The following COL4A2 variants were observed in gnomAD, a reference collection of about 807,000 sequenced individuals.
COL4A2 encodes the protein collagen alpha-2(IV) chain.
COL4A2 carries 99 observed loss-of-function variants against 200.2 expected under a neutral mutation model. That is an observed-to-expected ratio of 0.49 (90% CI 0.42 to 0.58). The LOEUF (loss-of-function observed/expected upper bound fraction) is 0.58, where lower values mean the gene tolerates loss of function less well. Ranked by LOEUF, COL4A2 falls within the 20% of genes least tolerant of loss-of-function variation. COL4A2 has a pLI of 0.00. For missense variants in COL4A2, 1,950 were observed against 2,314.1 expected (o/e 0.84, Z 3.23); for synonymous variants, 897 against 900.6 (o/e 1.00, Z 0.07).
At chr13:110,363,333 G>A (rs1409360656) in intron 4 of COL4A2, among the ~76,000 whole-genome samples, 4 of 152,152 alleles carry the variant, frequency 2.6e-5, no homozygotes, top group Non-Finnish European at 4.4e-5. Flanking sequence ...TGTGTTTAGC[G>A]ACTGCATTTT....
chr13:110,504,375 G>C, intron 45 of COL4A2, 111 bp downstream of exon 45: 1 of 845,328 alleles, frequency 1.2e-6, no homozygotes, highest in Non-Finnish European at 1.9e-6. Context: ...CCAGAAATGA[G>C]GCGCTGCCCC....
chr13:110,496,773 T>TC (rs1357833115), intron 40 of COL4A2, among the ~76,000 whole-genome samples: 1 of 148,512 alleles, frequency 6.7e-6, no homozygotes, highest in Non-Finnish European at 1.5e-5. Context: ...AGGATGAGGA[T>TC]CTAGGGTCAG....
chr13:110,452,214 C>T (rs61963247), intron 20 of COL4A2, among the ~76,000 whole-genome samples: 1 of 152,074 alleles, frequency 6.6e-6, no homozygotes, highest in Non-Finnish European at 1.5e-5. Context: ...GCTCACTGCA[C>T]GCTCCGCCTC....
In COL4A2 at chr13:110,428,456, C is replaced by A; in HGVS notation, c.361-11C>A. ...CTGGTTGGCTGATTCTCTCACTGCT[C>A]TCTTTCCCAGGGACACCCGGGGCAA... On this transcript the variant is annotated splice_polypyrimidine_tract_variant and intron_variant, in intron 6 of 47. Coordinates refer to ENST00000360467, the MANE Select transcript of COL4A2 (RefSeq NM_001846.4). 6.5e-7 allele frequency: 1 copy of A among 1,544,650 alleles called. No homozygotes were observed. Among genetic ancestry groups the A allele is most frequent in the Non-Finnish European group, 8.8e-7 (1 of 1,141,926 alleles).
At chr13:110,369,218 A>C (rs999985285) in intron 4 of COL4A2, among the ~76,000 whole-genome samples, 1 of 152,044 alleles carries the variant, frequency 6.6e-6, no homozygotes, top group Non-Finnish European at 1.5e-5. Flanking sequence ...TCAGTAAATA[A>C]ATAAATAAAT....
intron 42 of COL4A2, 33 bp from the exon 43 acceptor site, chr13:110,503,349 CT>C: frequency 6.3e-7 from 1 of 1,588,376 alleles, no homozygotes; most frequent in Non-Finnish European, 8.6e-7. Flanking sequence ...TCCCCACAGA[CT>C]TTCGTGTCCC....
intron 32 of COL4A2, 106 bp from the exon 33 acceptor site, chr13:110,484,799 C>T: frequency 3.5e-6 from 5 of 1,430,536 alleles, no homozygotes; most frequent in South Asian, 3.3e-5. Context: ...GGCTTCCCTG[C>T]TTGGGGGAGA....
At position 110,348,751 on chromosome 13, in the gene COL4A2, C is replaced by A. The variant is rs188367617; in HGVS notation, c.100-8721C>A. Among the ~76,000 whole-genome samples, 522 of 151,552 alleles carry A rather than the reference C, an allele frequency of 3.4e-3. 1 individual carries two copies. Among genetic ancestry groups the A allele is most frequent in the Non-Finnish European group, 5.7e-3 (386 of 67,872 alleles). On this transcript the variant is annotated intron_variant, in intron 3 of 47. Transcript: ENST00000360467. ...AATGTTGATCTTGTTTGTCACTTGG[C>A]GTAGGTTTTTCAGTATTCCTCTGTG...
chr13:110,325,937 C>A (rs955081559), intron 3 of COL4A2, among the ~76,000 whole-genome samples: 2 of 152,144 alleles, frequency 1.3e-5, no homozygotes, highest in African/African-American at 4.8e-5. Context: ...GCGTGCGTCA[C>A]CAGGCCGGGC....
intron 3 of COL4A2, among the ~76,000 whole-genome samples, chr13:110,311,793 T>A (rs905547871): frequency 2.6e-5 from 4 of 152,218 alleles, no homozygotes; most frequent in Admixed American, 2.0e-4. Flanking sequence ...CCTGAGGACC[T>A]CTGGCCGGGA....
At chr13:110,365,964 C>T (rs574673862) in intron 4 of COL4A2, among the ~76,000 whole-genome samples, 2 of 152,324 alleles carry the variant, frequency 1.3e-5, no homozygotes, top group South Asian at 4.1e-4. Flanking sequence ...AAACCTCACA[C>T]AGACTCCACA....
chr13:110,390,103 G>A (rs1244977682), intron 4 of COL4A2, among the ~76,000 whole-genome samples: 7 of 152,184 alleles, frequency 4.6e-5, no homozygotes, highest in Non-Finnish European at 1.0e-4. Context: ...AGCATGTATT[G>A]AGCCTGCTCT....
chr13:110,425,949 A>G (rs1416626536), intron 6 of COL4A2, among the ~76,000 whole-genome samples: 1 of 151,874 alleles, frequency 6.6e-6, no homozygotes. Flanking sequence ...AAAGGAAGTC[A>G]CATTTGCCAA....
chr13:110,512,445 C>A lies in COL4A2; in HGVS notation c.*254C>A. 1 of 587,656 alleles carries A rather than the reference C, an allele frequency of 1.7e-6. No individual in the cohort carries two copies. Among genetic ancestry groups the A allele is most frequent in the Admixed American group, 3.3e-5 (1 of 30,416 alleles). 36.4% of individuals were successfully genotyped at this position (587,656 alleles called of 1,614,324 possible). On this transcript the variant is annotated 3_prime_UTR_variant, in exon 48 of 48. Coordinates refer to ENST00000360467, the MANE Select transcript of COL4A2 (RefSeq NM_001846.4). ...GCCCCCATCAGCCCTGCTAGACGCA[C>A]CGCCTGAAGGCACAGCTAACCACTT...
At chr13:110,482,456 T>TG (rs1882967472) in intron 31 of COL4A2, 60 bp from the exon 32 acceptor site, 6 of 1,553,068 alleles carry the variant, frequency 3.9e-6, no homozygotes, top group Non-Finnish European at 2.7e-6. Flanking sequence ...GACGTGAGAC[T>TG]GAAATGTCCC....
intron 3 of COL4A2, among the ~76,000 whole-genome samples, chr13:110,356,425 C>T (rs1430107496): frequency 1.3e-5 from 2 of 152,206 alleles, no homozygotes; most frequent in South Asian, 2.1e-4. Context: ...TTTGGCATCC[C>T]GCCAGATGCA....
At chr13:110,465,367 A>T (rs115124008) in intron 24 of COL4A2, 38 bp from the exon 25 acceptor site, 11 of 1,561,436 alleles carry the variant, frequency 7.0e-6, no homozygotes, top group Middle Eastern at 2.1e-4. Flanking sequence ...CTTTAACATT[A>T]GTATATATTT....
At chr13:110,446,488 A>G (rs745707438) in intron 17 of COL4A2, among the ~76,000 whole-genome samples, 10 of 152,140 alleles carry the variant, frequency 6.6e-5, no homozygotes, top group Non-Finnish European at 1.2e-4. Flanking sequence ...CTCGGCTATC[A>G]CTACCCAAAA....
intron 3 of COL4A2, among the ~76,000 whole-genome samples, chr13:110,313,567 C>CTCGGTGCTGGGTT (rs1484428985): frequency 2.3e-4 from 18 of 79,004 alleles, no homozygotes; most frequent in Non-Finnish European, 3.6e-4. Context: ...AGGCTCCCAC[C>CTCGGTGCTGGGTT]CCAGTGCCCC....
Sources: allele counts gnomAD v4.1 joint callset (sites outside exome capture counted in the v4.1 genomes callset), GRCh38; gene constraint gnomAD v4.1.1; transcripts MANE v1.5; gene names NCBI Gene and HGNC (gene_info 2026-07-23, HGNC 2026-07-21).